The following UTP6 variants were observed in gnomAD, a reference collection of about 807,000 sequenced individuals.
The protein encoded by UTP6 is U3 small nucleolar RNA-associated protein 6 homolog.
UTP6 carries 60 observed loss-of-function variants against 96.5 expected under a neutral mutation model. The observed-to-expected ratio is 0.62, with a 90% confidence interval of 0.51 to 0.77. The LOEUF is 0.77. UTP6 is among the 30% of genes least tolerant of loss of function. The probability of loss-of-function intolerance (pLI) is 0.00; values close to 1 mark genes in which losing one functional copy is unlikely to be tolerated. For synonymous variants in UTP6, 215 were observed against 240.1 expected (o/e 0.90, Z 0.96); for missense variants, 637 against 706.5 (o/e 0.90, Z 1.12).
intron 16 of UTP6, among the ~76,000 whole-genome samples, chr17:31,869,461 G>A (rs1289199558): frequency 6.6e-6 from 1 of 151,592 alleles, no homozygotes; most frequent in East Asian, 1.9e-4. Flanking sequence ...GGAATGGCAT[G>A]AGCCACCACG....
At chr17:31,883,515 A>G (rs1228302532) in intron 10 of UTP6, among the ~76,000 whole-genome samples, 1 of 151,818 alleles carries the variant, frequency 6.6e-6, no homozygotes, top group East Asian at 1.9e-4. Context: ...TGGTTTCTCC[A>G]TGTTGGTCAG....
At chr17:31,883,316 A>ATT (rs764591553) in intron 10 of UTP6, among the ~76,000 whole-genome samples, 28 of 142,274 alleles carry the variant, frequency 2.0e-4, no homozygotes, top group African/African-American at 4.1e-4. Flanking sequence ...TAAGCTTTAG[A>ATT]TTTTTTTTTT....
At chr17:31,885,605 T>A (rs962418724) in intron 9 of UTP6, among the ~76,000 whole-genome samples, 1 of 151,826 alleles carries the variant, frequency 6.6e-6, no homozygotes, top group African/African-American at 2.4e-5. Context: ...CTAGCCAACA[T>A]AGTGAAACTA....
intron 18 of UTP6, among the ~76,000 whole-genome samples, chr17:31,864,011 T>A (rs1236712990): frequency 6.6e-6 from 1 of 152,184 alleles, no homozygotes; most frequent in Non-Finnish European, 1.5e-5. Context: ...AGTTTTGTTT[T>A]TTTGTTTTTT....
At chr17:31,867,043 C>T (rs965146613) in intron 17 of UTP6, among the ~76,000 whole-genome samples, 2 of 151,952 alleles carry the variant, frequency 1.3e-5, no homozygotes, top group African/African-American at 4.8e-5. Flanking sequence ...ACTCTCATAC[C>T]CCTGAAACAG....
chr17:31,889,382 T>G lies in UTP6; in HGVS notation c.446A>C (p.Lys149Thr). The G allele has an allele frequency of 6.2e-7, 1 of 1,613,618 alleles. No homozygotes were observed. Residue 149 changes from lysine (K) to threonine (T), a missense_variant, in exon 7 of 19, where the codon AAA (lysine) becomes ACA (threonine). Physicochemically the swap from Lys to Thr is moderately conservative, Grantham distance 78. Transcript: ENST00000261708. ...AGACAATCGATCTTCCATTTCCCAT[T>G]TGGCTGCCATAATCCACAAAGCTGT... The part of the protein sequence containing the change: ...NKPALWIMAA[K>T]WEMEDRLSSE...
rs1488911890 is a variant in UTP6 at position 31,901,589 on chromosome 17, G to A, written c.39C>T (p.Leu13=). The change falls in exon 1 of 19, where the codon CTC becomes CTT. Residue 13 remains leucine (L), a synonymous_variant. Coordinates refer to ENST00000261708, the MANE Select transcript of UTP6 (RefSeq NM_018428.3). The part of the protein sequence containing the change: ...EIIQERIEDR[L]PELEQLERIG... ...TGCGCTCCAGCTGTTCCAATTCCGGGAGCCGATCTTCTATGCGTTCCTGAA... is the reference window on the plus strand; with the variant it reads ...TGCGCTCCAGCTGTTCCAATTCCGGAAGCCGATCTTCTATGCGTTCCTGAA... The A allele has an allele frequency of 2.5e-6, 4 of 1,613,818 alleles. No individual in the cohort carries two copies. The highest frequency in any genetic ancestry group is 2.7e-5 in the African/African-American group (2 of 74,872).
At chr17:31,895,765 C>G (rs1450678681) in intron 2 of UTP6, among the ~76,000 whole-genome samples, 1 of 151,964 alleles carries the variant, frequency 6.6e-6, no homozygotes, top group African/African-American at 2.4e-5. Flanking sequence ...AACTCCCGAC[C>G]TCGAGTGATC....
chr17:31,869,334 T>A (rs943429842), intron 16 of UTP6, among the ~76,000 whole-genome samples: 1 of 151,334 alleles, frequency 6.6e-6, no homozygotes, highest in Non-Finnish European at 1.5e-5. Context: ...TCTGGCTAAT[T>A]GCTTTTCATT....
chr17:31,890,011 A>T (rs1313523318), intron 6 of UTP6, among the ~76,000 whole-genome samples: 1 of 152,036 alleles, frequency 6.6e-6, no homozygotes, highest in Non-Finnish European at 1.5e-5. Flanking sequence ...TAAGTCACAT[A>T]CAATTTTTTT....
chr17:31,892,447 G>A, intron 5 of UTP6, 124 bp from the exon 6 acceptor site: 2 of 1,011,880 alleles, frequency 2.0e-6, no homozygotes, highest in Non-Finnish European at 2.9e-6. Flanking sequence ...CTATTGCTAG[G>A]GATATATAAA....
rs1188499431 is a variant in UTP6, at chr17:31,901,658, C to T, written c.-31G>A. ...CCGAGGTCTACAACCCCGCGGGTAG[C>T]TTCTCAACAGCGAACACGAGCAGGA... On this transcript the variant is annotated 5_prime_UTR_variant, in exon 1 of 19. Coordinates refer to ENST00000261708, the MANE Select transcript of UTP6 (RefSeq NM_018428.3). 2 of 1,606,214 alleles carry T rather than the reference C, an allele frequency of 1.2e-6. No homozygotes were observed. The highest frequency in any genetic ancestry group is 1.7e-6 in the Non-Finnish European group (2 of 1,175,382).
intron 2 of UTP6, among the ~76,000 whole-genome samples, chr17:31,895,504 G>A (rs1424033803): frequency 6.6e-6 from 1 of 152,006 alleles, no homozygotes; most frequent in East Asian, 1.9e-4. Flanking sequence ...TACATAAATG[G>A]TATCATGCTA....
intron 11 of UTP6, 143 bp downstream of exon 11, chr17:31,880,430 A>C (rs1910755986): frequency 9.6e-7 from 1 of 1,042,824 alleles, no homozygotes; most frequent in African/African-American, 1.6e-5. Flanking sequence ...CCCAATAAAA[A>C]AAAAAAAAAA....
At chr17:31,883,434 G>A (rs1439656255) in intron 10 of UTP6, among the ~76,000 whole-genome samples, 1 of 151,136 alleles carries the variant, frequency 6.6e-6, no homozygotes, top group Non-Finnish European at 1.5e-5. Context: ...TCCTGCCTCA[G>A]CCTCCCGAGT....
intron 17 of UTP6, among the ~76,000 whole-genome samples, chr17:31,867,747 A>G (rs919123111): frequency 6.6e-6 from 1 of 151,904 alleles, no homozygotes; most frequent in African/African-American, 2.4e-5. Flanking sequence ...CACGAGGTCA[A>G]CAGATAGAGA....
At chr17:31,870,186 A>C (rs1308224648) in intron 16 of UTP6, among the ~76,000 whole-genome samples, 4 of 152,140 alleles carry the variant, frequency 2.6e-5, no homozygotes, top group African/African-American at 9.7e-5. Flanking sequence ...TTGGGTATAT[A>C]TCTAGTAATG....
intron 6 of UTP6, among the ~76,000 whole-genome samples, chr17:31,889,666 T>G (rs1001885236): frequency 6.6e-6 from 1 of 151,658 alleles, no homozygotes; most frequent in African/African-American, 2.4e-5. Context: ...CCGGCTAATT[T>G]TTTTTGTATT....
In UTP6 at chr17:31,884,557, T is replaced by C. The variant is rs372068333; in HGVS notation, c.704-52A>G. 7 of 1,406,416 alleles carry C rather than the reference T, an allele frequency of 5.0e-6. No individual in the cohort carries two copies. The African/African-American group carries it at 5.7e-5, about 12-fold the overall frequency. The allele number at this position is 1,406,416 out of a possible 1,614,324, so 87.1% of individuals were successfully genotyped here. ...AGTTTATTGCCAATAAGAATCACTT[T>C]ACTTTAAAAGTAGCATTCTTTTCAT... On this transcript the variant is annotated intron_variant, in intron 9 of 18. Coordinates refer to ENST00000261708, the MANE Select transcript of UTP6 (RefSeq NM_018428.3).
Sources: gnomAD v4.1 joint callset for allele counts (sites outside exome capture counted in the v4.1 genomes callset) on GRCh38, gnomAD v4.1.1 for gene constraint, MANE v1.5 for transcripts, NCBI Gene and HGNC (gene_info 2026-07-23, HGNC 2026-07-21) for gene names.